ARHGAP9: variants seen among roughly 807,000 people sequenced by gnomAD.
ARHGAP9 encodes rho GTPase-activating protein 9.
In ARHGAP9, 76 loss-of-function variants were observed where a neutral mutation model predicts 87.3. That is an observed-to-expected ratio of 0.87 (90% CI 0.72 to 1.05). ARHGAP9 has a LOEUF of 1.05. Among genes scored for constraint, ARHGAP9 ranks in the 50% least tolerant of loss-of-function variants. The pLI is 0.00. For missense variants in ARHGAP9, 941 were observed against 960.5 expected, an observed-to-expected ratio of 0.98 and a Z score of 0.27; for synonymous variants, 382 against 394.9, an observed-to-expected ratio of 0.97 and a Z score of 0.39.
intron 1 of ARHGAP9, chr12:57,488,099 G>A (rs776293715): frequency 1.2e-6 from 2 of 1,614,052 alleles, no homozygotes; most frequent in Non-Finnish European, 1.7e-6. Flanking sequence ...AAATGAGACT[G>A]TTCGTGAGTG....
At chr12:57,477,314 T>C (rs2139938975) in intron 4 of ARHGAP9, 45 bp from the exon 5 acceptor site, 1 of 1,520,668 alleles carries the variant, frequency 6.6e-7, no homozygotes, top group Non-Finnish European at 8.9e-7. Context: ...AGATGCCACC[T>C]CTACCCACTC....
chr12:57,488,715 T>C, exon 1 of ARHGAP9: 1 of 1,440,686 alleles, frequency 6.9e-7, no homozygotes, highest in South Asian at 1.2e-5. Context: ...CTTCAGATAA[T>C]TATGAAGATA....
chr12:57,476,034 C>A lies in ARHGAP9; in HGVS notation c.1212+37G>T, dbSNP rs768965046. The A allele has an allele frequency of 1.3e-5, 19 of 1,505,290 alleles. No homozygotes were observed. In the Admixed American group the frequency reaches 4.1e-4, roughly 32 times the overall value. 93.2% of individuals were successfully genotyped at this position (1,505,290 alleles called of 1,614,324 possible). On this transcript the variant is annotated intron_variant, in intron 9 of 17. Coordinates refer to ENST00000393791, the MANE Select transcript of ARHGAP9 (RefSeq NM_032496.4). Reference sequence around the variant, plus strand: ...CGGGAGATTGGGGGCGCCCTCGGGTCGGGTGGGGCCTTGGGGACGCGCGGG... The same window carrying A: ...CGGGAGATTGGGGGCGCCCTCGGGTAGGGTGGGGCCTTGGGGACGCGCGGG...
At chr12:57,474,327 G>A (rs941106064) in intron 15 of ARHGAP9, 96 bp downstream of exon 15, 31 of 1,581,582 alleles carry the variant, frequency 2.0e-5, no homozygotes, top group Admixed American at 3.4e-5. Flanking sequence ...TGGGGATGAG[G>A]ACAACCCTCC....
rs746484570 is a variant in ARHGAP9, at chr12:57,477,469, C to T, written c.746G>A (p.Arg249His). 16 of 1,613,904 alleles carry T rather than the reference C, an allele frequency of 9.9e-6. No individual in the cohort carries two copies. Among genetic ancestry groups the T allele is most frequent in the Admixed American group, 3.3e-5 (2 of 59,988 alleles). The change falls in exon 4 of 18, where the codon CGC (arginine) becomes CAC (histidine). Residue 249 changes from arginine (R) to histidine (H), a missense_variant. Arg to His is a conservative substitution (Grantham distance 29). Transcript: ENST00000393791. The part of the protein sequence containing the change: ...CKSWKPPRRS[R>H]SETNPGSMEG... The stretch of plus-strand genomic sequence containing the variant: ...GAGGTAAGGTCTCACCGTCTCGCTG[C>T]GACTGCGGCGCGGGGGCTTCCAGGA...
Position 57,479,411 on chromosome 12 carries a change from G to A in ARHGAP9, c.-5C>T, listed in dbSNP as rs768831461. 3.7e-6 allele frequency: 6 copies of A among 1,610,612 alleles called. No homozygotes were observed. Among genetic ancestry groups the A allele is most frequent in the Middle Eastern group, 3.3e-4 (2 of 6,066 alleles). On this transcript the variant is annotated 5_prime_UTR_variant, in exon 2 of 18. Transcript: ENST00000393791. ...CCACCACCGGCTGGATAGCATTGTA[G>A]CCAGCACTGTCACCTGTGAGAAAAA...
chr12:57,482,740 T>C (rs1400763170), upstream of ARHGAP9, among the ~76,000 whole-genome samples: 2 of 152,118 alleles, frequency 1.3e-5, no homozygotes, highest in South Asian at 2.1e-4. Flanking sequence ...TAAATATTTA[T>C]TGAATGTTTA....
rs1875583589 is a variant in ARHGAP9 at position 57,488,128 on chromosome 12, T to C, written c.-204+484A>G. 2 of 1,614,138 alleles carry C rather than the reference T, an allele frequency of 1.2e-6. No individual in the cohort carries two copies. The highest frequency in any genetic ancestry group is 1.7e-6 in the Non-Finnish European group (2 of 1,180,018). ...GTGAGTGATGGCGTCCCGGGTTGCT[T>C]GCCGGTGCTGGCCGCCGCCGGGAGA... On this transcript the variant is annotated intron_variant, in intron 1 of 20. Coordinates refer to the ARHGAP9 transcript ENST00000393797.
Position 57,488,272 on chromosome 12 carries a change from C to CT in ARHGAP9, c.-204+339dup, listed in dbSNP as rs1397585957. On this transcript the variant is annotated intron_variant, in intron 1 of 20. Coordinates refer to the ARHGAP9 transcript ENST00000393797. ...AACACGCCAGATTCTCTGCAGCTGT[C>CT]TTTGCCAAACCCCTAGCCCTCGCCA... The CT allele has an allele frequency of 3.5e-6, 5 of 1,415,336 alleles. No individual in the cohort carries two copies. In the African/African-American group the frequency reaches 5.6e-5, roughly 16 times the overall value. The allele number at this position is 1,415,336 out of a possible 1,614,324, so 87.7% of individuals were successfully genotyped here. A position where few individuals can be genotyped will look rare whatever the true frequency, so the allele number is the denominator to read the frequency against.
At chr12:57,477,898 T>C in intron 3 of ARHGAP9, 2 of 1,334,878 alleles carry the variant, frequency 1.5e-6, no homozygotes, top group Admixed American at 6.0e-5. Context: ...TCACTTCCTG[T>C]TGCCAACTTC....
intron 1 of ARHGAP9, chr12:57,488,217 G>A: frequency 6.2e-7 from 1 of 1,600,620 alleles, no homozygotes; most frequent in Non-Finnish European, 8.6e-7. Flanking sequence ...TGCTGGTGCT[G>A]GTGGGCGGTG....
Position 57,478,579 on chromosome 12 carries a change from G to C in ARHGAP9, c.495C>G (p.Leu165=). Residue 165 remains leucine (L), a synonymous_variant, in exon 3 of 18, where the codon CTC becomes CTG. Coordinates refer to ENST00000393791, the MANE Select transcript of ARHGAP9 (RefSeq NM_032496.4). ...PFQEGPSGRS[L]SQEDLPSEAS... is the part of the protein sequence containing the mutation. The stretch of plus-strand genomic sequence containing the variant: ...CTTCTGACGGCAAGTCTTCCTGGGA[G>C]AGGGATCTTCCGCTTGGTCCTTCCT... 1.9e-6 allele frequency: 3 copies of C among 1,614,154 alleles called. No homozygotes were observed. Among genetic ancestry groups the C allele is most frequent in the Non-Finnish European group, 2.5e-6 (3 of 1,180,046 alleles).
In ARHGAP9 at chr12:57,475,623, C is replaced by A; in HGVS notation, c.1312-8G>T. On this transcript the variant is annotated splice_region_variant and splice_polypyrimidine_tract_variant and intron_variant, in intron 10 of 17. Transcript: ENST00000393791. ...CAGGGGGTTCTCCCGATCCTAGACC[C>A]GGGGCGGGCCGTGTCGAAGGTGAGA... The A allele has an allele frequency of 6.2e-7, 1 of 1,606,886 alleles. No homozygotes were observed. Among genetic ancestry groups the A allele is most frequent in the Non-Finnish European group, 8.5e-7 (1 of 1,176,840 alleles).
In ARHGAP9 at chr12:57,473,701, G is replaced by A. The variant is rs1258283438; in HGVS notation, c.1926C>T (p.Ser642=). 2.2e-5 allele frequency: 36 copies of A among 1,613,730 alleles called. No individual in the cohort carries two copies. Among genetic ancestry groups the A allele is most frequent in the Non-Finnish European group, 2.9e-5 (34 of 1,179,760 alleles). The part of the protein sequence containing the change: ...LPHFRAALAL[S]ESEQCLSQIQ... The stretch of plus-strand genomic sequence containing the variant: ...TCTGAGAGAGGCACTGCTCTGATTC[G>A]GAGAGTGCTAGAGAGAGTGATGGGA... The change falls in exon 17 of 18, where the codon TCC becomes TCT. Residue 642 remains serine (S), a synonymous_variant. Transcript: ENST00000393791.
In ARHGAP9 at chr12:57,478,199, A is replaced by G. The variant is rs968309280; in HGVS notation, c.534+341T>C. 4.6e-5 allele frequency: 15 copies of G among 324,874 alleles called. No individual in the cohort carries two copies. In the East Asian group the frequency reaches 1.0e-3, roughly 23 times the overall value. 20.1% of individuals were successfully genotyped at this position (324,874 alleles called of 1,614,324 possible). A position where few individuals can be genotyped will look rare whatever the true frequency, so the allele number is the denominator to read the frequency against. The stretch of plus-strand genomic sequence containing the variant: ...AGGAGTCTGGAGGAAGGAAGAGCAC[A>G]GGGCTGGCCTTTCAGTGCCTCCACT... On this transcript the variant is annotated intron_variant, in intron 3 of 17. Transcript: ENST00000393791.
At chr12:57,484,901 C>T (rs1404649027) in intron 1 of ARHGAP9, among the ~76,000 whole-genome samples, 2 of 151,886 alleles carry the variant, frequency 1.3e-5, no homozygotes, top group African/African-American at 4.8e-5. Flanking sequence ...CTGCCTCGGC[C>T]TCCCAAAGTG....
chr12:57,476,221 T>A, intron 8 of ARHGAP9, 55 bp from the exon 9 acceptor site: 1 of 1,501,884 alleles, frequency 6.7e-7, no homozygotes, highest in Non-Finnish European at 9.0e-7. Context: ...ACTGCTTCCC[T>A]CTCCCCGGTG....
At chr12:57,486,245 T>C (rs1875384273) in intron 1 of ARHGAP9, among the ~76,000 whole-genome samples, 1 of 152,166 alleles carries the variant, frequency 6.6e-6, no homozygotes, top group Non-Finnish European at 1.5e-5. Context: ...ATATACTTAT[T>C]GCCAAACTCT....
At position 57,476,412 on chromosome 12, in the gene ARHGAP9, G is replaced by C; in HGVS notation, c.1068C>G (p.Ser356Arg). ...GCGGTGGCTCTCGGTAGAACACCAG[G>C]CTGTTACCCGTTAACACCACCCAAG... The part of the protein sequence containing the change: ...GPSWVVLTGN[S>R]LVFYREPPPT... Residue 356 changes from serine (S) to arginine (R), a missense_variant, in exon 8 of 18, where the codon AGC becomes AGG. Coordinates refer to ENST00000393791, the MANE Select transcript of ARHGAP9 (RefSeq NM_032496.4). 6.2e-7 allele frequency: 1 copy of C among 1,614,040 alleles called. No individual in the cohort carries two copies. The highest frequency in any genetic ancestry group is 8.5e-7 in the Non-Finnish European group (1 of 1,180,008).
Sources: allele counts gnomAD v4.1 joint callset (sites outside exome capture counted in the v4.1 genomes callset), GRCh38; gene constraint gnomAD v4.1.1; transcripts MANE v1.5; gene names NCBI Gene and HGNC (gene_info 2026-07-23, HGNC 2026-07-21).